Variants in HEXB observed in about 807,000 individuals in gnomAD.
HEXB encodes the protein beta-hexosaminidase subunit beta.
Under a neutral mutation model 71.2 loss-of-function variants are expected in HEXB, and 51 were observed. The ratio of observed to expected loss-of-function variants is 0.72; its 90% confidence interval spans 0.57 to 0.90. The LOEUF is 0.90. Among genes scored for constraint, HEXB ranks in the 40% least tolerant of loss-of-function variants. The pLI, the probability that HEXB is intolerant of heterozygous loss-of-function variation, is 0.00. For synonymous variants in HEXB, 266 were observed against 249.3 expected, an observed-to-expected ratio of 1.07 and a Z score of -0.63; for missense variants, 617 against 677.0, an observed-to-expected ratio of 0.91 and a Z score of 0.98.
At chr5:74,678,746 T>C (rs1318007364) in intron 1 of HEXB, among the ~76,000 whole-genome samples, 1 of 151,968 alleles carries the variant, frequency 6.6e-6, no homozygotes, top group Admixed American at 6.6e-5. Flanking sequence ...TAAAACAACA[T>C]ACCACATAAA....
At chr5:74,719,021 G>A (rs1285258214) in intron 11 of HEXB, 50 bp downstream of exon 11, 5 of 1,562,498 alleles carry the variant, frequency 3.2e-6, no homozygotes, top group Non-Finnish European at 4.4e-6. Flanking sequence ...GAAGCTGATG[G>A]TAAGTGAAGC....
chr5:74,719,393 T>C (rs1197042026), intron 11 of HEXB, among the ~76,000 whole-genome samples: 6 of 152,196 alleles, frequency 3.9e-5, no homozygotes, highest in Non-Finnish European at 8.8e-5. Flanking sequence ...TGTGTTGTCT[T>C]AGGATTCTGA....
chr5:74,710,322 G>A (rs1221445815), intron 6 of HEXB, among the ~76,000 whole-genome samples: 1 of 151,526 alleles, frequency 6.6e-6, no homozygotes, highest in Non-Finnish European at 1.5e-5. Context: ...CAAACCCCCA[G>A]CCAATATCAT....
At chr5:74,646,242 T>C (rs1372799012) in intron 1 of HEXB, among the ~76,000 whole-genome samples, 1 of 152,174 alleles carries the variant, frequency 6.6e-6, no homozygotes, top group Non-Finnish European at 1.5e-5. Context: ...TTAAGGAGAA[T>C]GATATTCTTG....
At chr5:74,679,315 G>A (rs12233981) in intron 1 of HEXB, among the ~76,000 whole-genome samples, 26,233 of 152,152 alleles carry the variant, frequency 0.17, 2,373 homozygotes, top group East Asian at 0.27. Flanking sequence ...TTAAAAGAGT[G>A]AGGACGATAT....
At chr5:74,680,161 A>G (rs1432938888) in intron 1 of HEXB, among the ~76,000 whole-genome samples, 1 of 152,226 alleles carries the variant, frequency 6.6e-6, no homozygotes, top group East Asian at 1.9e-4. Context: ...TTCATGAAAA[A>G]GGAAGGATGA....
chr5:74,676,823 G>A (rs1748639011), intron 1 of HEXB, among the ~76,000 whole-genome samples: 1 of 152,178 alleles, frequency 6.6e-6, no homozygotes, highest in South Asian at 2.1e-4. Flanking sequence ...TGTTTATCCA[G>A]AATTTACATT....
chr5:74,718,879 C>G lies in HEXB; in HGVS notation c.1325C>G (p.Pro442Arg). The change falls in exon 11 of 14, where the codon CCT (proline) becomes CGT (arginine). Residue 442 changes from proline (P) to arginine (R), a missense_variant. Physicochemically the swap from Pro to Arg is moderately radical, Grantham distance 103. Coordinates refer to ENST00000261416, the MANE Select transcript of HEXB (RefSeq NM_000521.4). Reference sequence around the variant, plus strand: ...AGTAGAGTCACAGCATCTGGCTTCCCTGTAATCCTTTCTGCTCCTTGGTAC... The same window carrying G: ...AGTAGAGTCACAGCATCTGGCTTCCGTGTAATCCTTTCTGCTCCTTGGTAC... ...ELSRVTASGF[P>R]VILSAPWYLD... The G allele has an allele frequency of 6.2e-7, 1 of 1,614,002 alleles. No individual in the cohort carries two copies. The highest frequency in any genetic ancestry group is 8.5e-7 in the Non-Finnish European group (1 of 1,179,894).
chr5:74,710,056 A>G (rs1443152251), intron 6 of HEXB, among the ~76,000 whole-genome samples: 1 of 152,248 alleles, frequency 6.6e-6, no homozygotes, highest in East Asian at 1.9e-4. Flanking sequence ...CTGGCAAACC[A>G]AATCCAGCAG....
chr5:74,688,324 C>T (rs1236752459), intron 1 of HEXB, among the ~76,000 whole-genome samples: 15 of 137,148 alleles, frequency 1.1e-4, no homozygotes, highest in Admixed American at 4.7e-4. Context: ...TTTTGGATAC[C>T]AACAAAAGGT....
chr5:74,705,578 A>AGCCCTGAATAATT lies in HEXB; in HGVS notation c.771+259_771+271dup. 6.6e-6 allele frequency: 3 copies of AGCCCTGAATAATT among 453,122 alleles called. No homozygotes were observed. The South Asian group carries it at 7.4e-5, about 11-fold the overall frequency. The allele number at this position is 453,122 out of a possible 1,614,324, so 28.1% of individuals were successfully genotyped here. ...GTAAATCGAAATTTAACAAGGTAGA[A>AGCCCTGAATAATT]GCCCTGAATAATTCTCAAATTACAT... On this transcript the variant is annotated intron_variant, in intron 6 of 13. Coordinates refer to ENST00000261416, the MANE Select transcript of HEXB (RefSeq NM_000521.4).
At chr5:74,707,151 C>A (rs1035532095) in intron 6 of HEXB, among the ~76,000 whole-genome samples, 10 of 151,214 alleles carry the variant, frequency 6.6e-5, no homozygotes, top group African/African-American at 2.4e-4. Flanking sequence ...CACTGTTCTG[C>A]AGACACCGCT....
At chr5:74,720,561 AG>A in intron 12 of HEXB, 43 bp downstream of exon 12, 1 of 1,590,368 alleles carries the variant, frequency 6.3e-7, no homozygotes, top group Non-Finnish European at 8.6e-7. Flanking sequence ...AAGGTGCCTT[AG>A]CTTTCCTTCT....
intron 6 of HEXB, among the ~76,000 whole-genome samples, chr5:74,707,208 C>T (rs1478413457): frequency 8.5e-5 from 13 of 152,204 alleles, no homozygotes; most frequent in Admixed American, 3.9e-4. Context: ...CTAGCAAACT[C>T]CAACAGACCT....
intron 1 of HEXB, among the ~76,000 whole-genome samples, chr5:74,654,453 T>TC (rs1413864294): frequency 6.6e-6 from 1 of 152,156 alleles, no homozygotes; most frequent in African/African-American, 2.4e-5. Flanking sequence ...TCCCACGAGA[T>TC]ATACTAACAG....
intron 1 of HEXB, among the ~76,000 whole-genome samples, chr5:74,667,936 C>T (rs146360996): frequency 0.012 from 1,812 of 152,228 alleles, 6 homozygotes; most frequent in Non-Finnish European, 0.018. Flanking sequence ...ATTATATTAA[C>T]ATAAATTACC....
chr5:74,697,509 T>TTC, intron 5 of HEXB, among the ~76,000 whole-genome samples: 8 of 152,106 alleles, frequency 5.3e-5, no homozygotes, highest in South Asian at 2.1e-4. Flanking sequence ...GTGGATCACC[T>TTC]GAGGTCAGGA....
chr5:74,689,567 T>C, intron 2 of HEXB, 94 bp downstream of exon 2: 1 of 979,752 alleles, frequency 1.0e-6, no homozygotes, highest in Non-Finnish European at 1.7e-6. Flanking sequence ...AACCACTGAG[T>C]TCTCAACCAG....
intron 1 of HEXB, among the ~76,000 whole-genome samples, chr5:74,670,240 CTT>C (rs568040027): frequency 7.0e-5 from 10 of 143,734 alleles, no homozygotes; most frequent in African/African-American, 7.6e-5. Context: ...GTTTTAGCCT[CTT>C]TTTTTTTTTT....
Sources: allele counts gnomAD v4.1 joint callset (sites outside exome capture counted in the v4.1 genomes callset), GRCh38; gene constraint gnomAD v4.1.1; transcripts MANE v1.5; gene names NCBI Gene and HGNC (gene_info 2026-07-23, HGNC 2026-07-21).